Variants in VWDE observed in about 807,000 individuals in gnomAD.
VWDE encodes the protein von Willebrand factor D and EGF domains.
A neutral mutation model predicts 178.4 loss-of-function variants in VWDE; 207 were observed. The observed-to-expected ratio is 1.16, with a 90% CI of 1.04 to 1.30. The LOEUF (loss-of-function observed/expected upper bound fraction) is 1.30, where lower values mean the gene tolerates loss of function less well. Ranked by LOEUF, VWDE falls within the 50% of genes most tolerant of loss-of-function variation. The probability of loss-of-function intolerance (pLI) is 0.00; values close to 1 mark genes in which losing one functional copy is unlikely to be tolerated. For missense variants in VWDE, 2,287 were observed against 1,901.3 expected, an observed-to-expected ratio of 1.20 and a Z score of -3.77; for synonymous variants, 738 against 651.4, an observed-to-expected ratio of 1.13 and a Z score of -2.02.
rs533262157 is a variant in VWDE, at chr7:12,331,153, C to T, written c.*30G>A. The T allele has an allele frequency of 6.6e-7, 1 of 1,522,694 alleles. No homozygotes were observed. The allele number at this position is 1,522,694 out of a possible 1,614,324, so 94.3% of individuals were successfully genotyped here. On this transcript the variant is annotated 3_prime_UTR_variant, in exon 29 of 29. Coordinates refer to ENST00000275358, the MANE Select transcript of VWDE (RefSeq NM_001135924.3). ...ACAAAATATTTCCATTCTTAAGATA[C>T]AGGCTTGTAATTCATATACTTGATG...
chr7:12,340,215 G>GA (rs1482040251), intron 24 of VWDE, 107 bp downstream of exon 24: 12 of 833,978 alleles, frequency 1.4e-5, no homozygotes, highest in Middle Eastern at 4.7e-4. Flanking sequence ...GAATTCTGGG[G>GA]AAAAAATCGC....
At chr7:12,401,773 G>A (rs917296990) in intron 1 of VWDE, among the ~76,000 whole-genome samples, 4 of 151,768 alleles carry the variant, frequency 2.6e-5, no homozygotes, top group African/African-American at 9.7e-5. Flanking sequence ...CCTATGACCC[G>A]GTATTTCCAC....
intron 27 of VWDE, 49 bp downstream of exon 27, chr7:12,336,092 C>G (rs779024448): frequency 6.9e-7 from 1 of 1,457,284 alleles, no homozygotes; most frequent in African/African-American, 1.4e-5. Context: ...ATTATTATAA[C>G]AGATTCCAAT....
intron 13 of VWDE, among the ~76,000 whole-genome samples, chr7:12,366,653 C>G (rs897061354): frequency 6.6e-6 from 1 of 152,106 alleles, no homozygotes; most frequent in South Asian, 2.1e-4. Context: ...AATTCTCAAT[C>G]TCAGAATCAC....
At chr7:12,337,293 A>C (rs1366581893) in intron 24 of VWDE, 21 bp from the exon 25 acceptor site, 2 of 1,536,898 alleles carry the variant, frequency 1.3e-6, no homozygotes, top group Non-Finnish European at 1.8e-6. Context: ...ACATGGCAGC[A>C]ATCTGTGAAT....
intron 13 of VWDE, among the ~76,000 whole-genome samples, chr7:12,364,144 AC>A (rs763396291): frequency 4.6e-4 from 70 of 152,218 alleles, no homozygotes; most frequent in Non-Finnish European, 8.8e-4. Flanking sequence ...ATGGCACTGC[AC>A]TGAAATCAGA....
At chr7:12,371,936 T>G (rs766416697) in intron 10 of VWDE, among the ~76,000 whole-genome samples, 1 of 152,126 alleles carries the variant, frequency 6.6e-6, no homozygotes, top group Non-Finnish European at 1.5e-5. Flanking sequence ...CTATTTTTTT[T>G]TACAATAAAT....
At chr7:12,356,041 T>A in intron 18 of VWDE, 70 bp downstream of exon 18, 1 of 1,243,016 alleles carries the variant, frequency 8.0e-7, no homozygotes, top group South Asian at 1.4e-5. Flanking sequence ...ACACATTTGC[T>A]TAAGTAATCT....
chr7:12,372,894 A>G (rs1783283718), intron 10 of VWDE, 83 bp downstream of exon 10: 1 of 1,331,056 alleles, frequency 7.5e-7, no homozygotes, highest in African/African-American at 1.5e-5. Flanking sequence ...ATGTTGAAAA[A>G]TGATAGCTCC....
intron 19 of VWDE, among the ~76,000 whole-genome samples, chr7:12,346,666 C>T (rs1781616909): frequency 6.6e-6 from 1 of 151,942 alleles, no homozygotes; most frequent in African/African-American, 2.4e-5. Flanking sequence ...TACTTCATTT[C>T]CTTATTGCAC....
chr7:12,402,046 G>A (rs1022314522), intron 1 of VWDE, among the ~76,000 whole-genome samples: 8 of 152,144 alleles, frequency 5.3e-5, no homozygotes, highest in African/African-American at 1.9e-4. Context: ...AGTCACAAAA[G>A]ACAACCTATT....
intron 3 of VWDE, among the ~76,000 whole-genome samples, chr7:12,384,019 C>T (rs1211122220): frequency 6.6e-6 from 1 of 152,036 alleles, no homozygotes; most frequent in South Asian, 2.1e-4. Flanking sequence ...CCCAAAGGAG[C>T]TGAAAACTTA....
Position 12,357,357 on chromosome 7 carries a change from G to A in VWDE, c.3433C>T (p.Leu1145Phe), listed in dbSNP as rs1440416189. 6.4e-7 allele frequency: 1 copy of A among 1,551,774 alleles called. No homozygotes were observed. Among genetic ancestry groups the A allele is most frequent in the East Asian group, 2.4e-5 (1 of 40,914 alleles). ...AGTAAATCTGTTTTCCACATAAAAA[G>A]CCCTGCAGAGGAAACACTTGCCCCT... is the stretch of plus-strand genomic sequence containing the variant. Reference protein sequence around the residue: ...PEGASVSSAGLFMWKTDLLTT... With the variant: ...PEGASVSSAGFFMWKTDLLTT... The change falls in exon 17 of 29, where the codon CTT becomes TTT. Residue 1145 changes from leucine (L) to phenylalanine (F), a missense_variant. Physicochemically the swap from Leu to Phe is conservative, Grantham distance 22. Coordinates refer to ENST00000275358, the MANE Select transcript of VWDE (RefSeq NM_001135924.3).
At chr7:12,334,720 A>C (rs1780920113) in intron 27 of VWDE, among the ~76,000 whole-genome samples, 1 of 152,242 alleles carries the variant, frequency 6.6e-6, no homozygotes, top group African/African-American at 2.4e-5. Flanking sequence ...CAGGGTGCAC[A>C]GCTTCAGGCT....
At chr7:12,338,891 T>A (rs1781179148) in intron 24 of VWDE, among the ~76,000 whole-genome samples, 1 of 152,174 alleles carries the variant, frequency 6.6e-6, no homozygotes, top group African/African-American at 2.4e-5. Flanking sequence ...TCTTTTAAAA[T>A]TCTATAGTGC....
At chr7:12,377,979 A>G in intron 6 of VWDE, 59 bp from the exon 7 acceptor site, 1 of 1,268,944 alleles carries the variant, frequency 7.9e-7, no homozygotes, top group South Asian at 2.3e-5. Context: ...TCTAAGGCAC[A>G]GTTTTGAAAG....
chr7:12,332,491 T>G (rs1047001429), intron 28 of VWDE, among the ~76,000 whole-genome samples: 1 of 152,108 alleles, frequency 6.6e-6, no homozygotes, highest in Non-Finnish European at 1.5e-5. Flanking sequence ...ACTGTCAAAG[T>G]GGAGTTAAAA....
rs1313907757 is a variant in VWDE at position 12,340,418 on chromosome 7, C to A, written c.4271-1G>T. The A allele has an allele frequency of 1.3e-6, 2 of 1,547,324 alleles. No homozygotes were observed. Among genetic ancestry groups the A allele is most frequent in the Admixed American group, 4.0e-5 (2 of 50,480 alleles). Reference sequence around the variant, plus strand: ...TTGAGGCAGACAGGGTCGCACAAAGCTAATAAACAGCAGGAGGAAAAGAGA... The same window carrying A: ...TTGAGGCAGACAGGGTCGCACAAAGATAATAAACAGCAGGAGGAAAAGAGA... On this transcript the variant is annotated splice_acceptor_variant, in intron 23 of 28. Coordinates refer to ENST00000275358, the MANE Select transcript of VWDE (RefSeq NM_001135924.3). LOFTEE classifies it high-confidence loss of function.
chr7:12,356,229 G>A lies in VWDE; in HGVS notation c.3627C>T (p.Gly1209=). The part of the protein sequence containing the change: ...SGVYLCVCLP[G]FHGSLCEVDI... ...CCACTTCACAAAGGCTGCCATGGAA[G>A]CCAGGCAAGCAGACACACAGGTACA... The change falls in exon 18 of 29, where the codon GGC becomes GGT. Residue 1209 remains glycine, a synonymous_variant. Transcript: ENST00000275358. 1 of 1,551,508 alleles carries A rather than the reference G, an allele frequency of 6.4e-7. No homozygotes were observed. The highest frequency in any genetic ancestry group is 8.7e-7 in the Non-Finnish European group (1 of 1,146,950).
Sources: gnomAD v4.1 joint callset for allele counts (sites outside exome capture counted in the v4.1 genomes callset) on GRCh38, gnomAD v4.1.1 for gene constraint, MANE v1.5 for transcripts, NCBI Gene and HGNC (gene_info 2026-07-23, HGNC 2026-07-21) for gene names.